The following GPC5 variants were observed in gnomAD, a reference collection of about 807,000 sequenced individuals.
GPC5 encodes the protein glypican-5.
In GPC5, 47 loss-of-function variants were observed where a neutral mutation model predicts 53.9. That is an observed-to-expected ratio of 0.87 (90% CI 0.69 to 1.11). The LOEUF (loss-of-function observed/expected upper bound fraction) is 1.11. Among genes scored for constraint, GPC5 ranks in the 50% most tolerant of loss-of-function variants. GPC5 has a pLI of 0.00. For missense variants in GPC5, 748 were observed against 713.1 expected (o/e 1.05, Z -0.56); for synonymous variants, 286 against 263.3 (o/e 1.09, Z -0.84).
At chr13:91,647,456 C>G (rs921851889) in intron 2 of GPC5, among the ~76,000 whole-genome samples, 15 of 152,216 alleles carry the variant, frequency 9.9e-5, no homozygotes, top group Non-Finnish European at 4.4e-5. Context: ...TTGCAGACCT[C>G]CAACTCCAGC....
intron 5 of GPC5, among the ~76,000 whole-genome samples, chr13:91,827,688 A>G (rs190153429): frequency 1.3e-5 from 2 of 152,202 alleles, no homozygotes; most frequent in Admixed American, 1.3e-4. Context: ...TGCTGAAATT[A>G]AAGACTTAAA....
chr13:92,440,043 A>G (rs1406607047), intron 7 of GPC5, among the ~76,000 whole-genome samples: 1 of 152,204 alleles, frequency 6.6e-6, no homozygotes, highest in Admixed American at 6.5e-5. Flanking sequence ...AACTATTGTT[A>G]ATCCATTGGA....
At chr13:92,454,431 G>A (rs985023402) in intron 7 of GPC5, among the ~76,000 whole-genome samples, 2 of 152,104 alleles carry the variant, frequency 1.3e-5, no homozygotes, top group African/African-American at 4.8e-5. Context: ...GTGAATTGTT[G>A]AATATAACCA....
At position 92,516,579 on chromosome 13, in the gene GPC5, G is replaced by A. The variant is rs545539159; in HGVS notation, c.1562-349703G>A. On this transcript the variant is annotated intron_variant, in intron 7 of 7. Transcript: ENST00000377067. Reference sequence around the variant, plus strand: ...GTGTGGAAGGTGTTCTGTAAAGCTGGTAAAGAAAATAGATGTTTCTGAGTG... The same window carrying A: ...GTGTGGAAGGTGTTCTGTAAAGCTGATAAAGAAAATAGATGTTTCTGAGTG... 6.4e-4 allele frequency among the ~76,000 whole-genome samples: 97 copies of A among 152,262 alleles called. 1 individual carries two copies. Among genetic ancestry groups the A allele is most frequent in the African/African-American group, 2.3e-3 (96 of 41,556 alleles).
chr13:92,125,593 G>C (rs2041687915), intron 6 of GPC5, among the ~76,000 whole-genome samples: 1 of 152,128 alleles, frequency 6.6e-6, no homozygotes, highest in Non-Finnish European at 1.5e-5. Flanking sequence ...AAGAGAAAAG[G>C]AGAGGGAAAA....
intron 3 of GPC5, among the ~76,000 whole-genome samples, chr13:91,716,871 G>T (rs2036349317): frequency 6.6e-6 from 1 of 152,198 alleles, no homozygotes; most frequent in Admixed American, 6.5e-5. Flanking sequence ...TCCAACAAAT[G>T]AGTTATTGAG....
In GPC5 at chr13:92,692,754, ATT is replaced by A. The variant is rs71272284; in HGVS notation, c.1562-173507_1562-173506del. ...CTCCAAAGCCTCACCAATATCGGCT[ATT>A]TTTTTTTTTTTTTTTTTTTTACATT... On this transcript the variant is annotated intron_variant, in intron 7 of 7. Coordinates refer to ENST00000377067, the MANE Select transcript of GPC5 (RefSeq NM_004466.6). 9.6e-4 allele frequency among the ~76,000 whole-genome samples: 78 copies of A among 81,010 alleles called. 1 individual carries two copies. The highest frequency in any genetic ancestry group is 3.1e-3 in the African/African-American group (64 of 20,742). The allele number at this position is 81,010 out of a possible 152,430, so 53.1% of individuals were successfully genotyped here.
chr13:92,713,719 G>A (rs1888230433), intron 7 of GPC5, among the ~76,000 whole-genome samples: 1 of 151,552 alleles, frequency 6.6e-6, no homozygotes, highest in South Asian at 2.1e-4. Flanking sequence ...AAGAAAATAA[G>A]AAATGTCTTA....
At chr13:91,608,074 C>A (rs2033430702) in intron 2 of GPC5, among the ~76,000 whole-genome samples, 1 of 152,078 alleles carries the variant, frequency 6.6e-6, no homozygotes, top group South Asian at 2.1e-4. Flanking sequence ...AATATGATTT[C>A]TTAAATGATT....
At chr13:92,520,510 C>A (rs1880998142) in intron 7 of GPC5, among the ~76,000 whole-genome samples, 1 of 152,132 alleles carries the variant, frequency 6.6e-6, no homozygotes, top group South Asian at 2.1e-4. Flanking sequence ...AGCATATAAA[C>A]AGAACCAAAG....
At chr13:92,146,747 GAGAAAAT>G (rs1566455834) in intron 7 of GPC5, among the ~76,000 whole-genome samples, 4 of 152,054 alleles carry the variant, frequency 2.6e-5, no homozygotes, top group African/African-American at 9.7e-5. Flanking sequence ...CACTATGAAT[GAGAAAAT>G]ACAATGTTTG....
intron 7 of GPC5, chr13:92,484,704 C>A (rs1037656039): frequency 2.0e-5 from 3 of 152,132 alleles, no homozygotes; most frequent in South Asian, 4.1e-4. Context: ...CATTATAGGT[C>A]AGATGTGCCT....
chr13:91,800,836 A>G (rs1043644516), intron 5 of GPC5, among the ~76,000 whole-genome samples: 1 of 152,116 alleles, frequency 6.6e-6, no homozygotes, highest in African/African-American at 2.4e-5. Flanking sequence ...TGTAGTATAT[A>G]TACTTTACAC....
At chr13:92,479,967 G>C (rs1415621048) in intron 7 of GPC5, among the ~76,000 whole-genome samples, 1 of 152,090 alleles carries the variant, frequency 6.6e-6, no homozygotes, top group Non-Finnish European at 1.5e-5. Flanking sequence ...TCAGAGGACA[G>C]CAGGATGAAG....
In GPC5 at chr13:92,065,040, AG is replaced by A. The variant is rs554007490; in HGVS notation, c.1402-79789del. ...TTGGTTCTGAAAATTTTGATAATGC[AG>A]AAAGAAGCTCTCAGATCAGTGTTCT... On this transcript the variant is annotated intron_variant, in intron 6 of 7. Transcript: ENST00000377067. Among the ~76,000 whole-genome samples the A allele has an allele frequency of 4.6e-4, 70 of 152,274 alleles. 1 individual carries two copies. Among genetic ancestry groups the A allele is most frequent in the African/African-American group, 1.5e-3 (64 of 41,566 alleles).
chr13:91,793,256 A>G lies in GPC5; in HGVS notation c.1280+36836A>G, dbSNP rs561840691. On this transcript the variant is annotated intron_variant, in intron 5 of 7. Transcript: ENST00000377067. ...GAATTGCCCTTTGTAAAATCATCAG[A>G]TCTTGTGAGGCTTATTCACTATCAC... 2.0e-5 allele frequency among the ~76,000 whole-genome samples: 3 copies of G among 152,238 alleles called. No homozygotes were observed. The East Asian group carries it at 5.8e-4, about 30-fold the overall frequency.
chr13:91,887,556 T>C (rs545756980), intron 5 of GPC5, among the ~76,000 whole-genome samples: 7 of 152,262 alleles, frequency 4.6e-5, no homozygotes, highest in African/African-American at 1.7e-4. Flanking sequence ...ACGCTGCAAA[T>C]TTTCCAAACC....
At chr13:92,147,460 C>T (rs938989017) in intron 7 of GPC5, among the ~76,000 whole-genome samples, 1 of 151,912 alleles carries the variant, frequency 6.6e-6, no homozygotes, top group Admixed American at 6.6e-5. Context: ...AAGTTATTTA[C>T]AAGTTCAAGA....
intron 6 of GPC5, among the ~76,000 whole-genome samples, chr13:92,123,137 C>T (rs1309464666): frequency 1.3e-5 from 2 of 151,918 alleles, no homozygotes; most frequent in Admixed American, 6.6e-5. Context: ...GGTGGGGTGG[C>T]TTATGCTTGT....
Sources: gnomAD v4.1 joint callset for allele counts (sites outside exome capture counted in the v4.1 genomes callset) on GRCh38, gnomAD v4.1.1 for gene constraint, MANE v1.5 for transcripts, NCBI Gene and HGNC (gene_info 2026-07-23, HGNC 2026-07-21) for gene names.